The following POLN variants were observed in gnomAD, a reference collection of about 807,000 sequenced individuals.
The protein encoded by POLN is DNA polymerase nu.
POLN carries 108 observed loss-of-function variants against 113.5 expected under a neutral mutation model. The ratio of observed to expected loss-of-function variants is 0.95; its 90% CI spans 0.81 to 1.12. POLN has a LOEUF of 1.12. Ranked by LOEUF, POLN falls within the 50% of genes most tolerant of loss-of-function variation. The pLI is 0.00. For missense variants in POLN, 1,097 were observed against 1,077.1 expected, an observed-to-expected ratio of 1.02 and a Z score of -0.26; for synonymous variants, 386 against 391.5, an observed-to-expected ratio of 0.99 and a Z score of 0.17.
intron 20 of POLN, among the ~76,000 whole-genome samples, chr4:2,094,365 A>AAAAAAAAAAAAAC (rs1311045483): frequency 6.7e-6 from 1 of 148,560 alleles, no homozygotes; most frequent in African/African-American, 2.5e-5. Context: ...TCTGTCTCCA[A>AAAAAAAAAAAAAC]AAAAAAAAAA....
intron 6 of POLN, 31 bp downstream of exon 6, chr4:2,198,493 G>A (rs751463314): frequency 3.2e-6 from 5 of 1,553,782 alleles, no homozygotes; most frequent in Non-Finnish European, 4.4e-6. Context: ...CATGTAAGTA[G>A]GGTGTGAGCC....
intron 7 of POLN, among the ~76,000 whole-genome samples, chr4:2,188,206 G>T (rs7664080): frequency 6.6e-6 from 1 of 152,038 alleles, no homozygotes; most frequent in African/African-American, 2.4e-5. Flanking sequence ...TCCTTCACAC[G>T]TGAAAAAGAG....
At chr4:2,115,208 CTA>C (rs67359279) in intron 19 of POLN, among the ~76,000 whole-genome samples, 10 of 119,264 alleles carry the variant, frequency 8.4e-5, no homozygotes, top group African/African-American at 1.5e-4. Context: ...ACCACCACAG[CTA>C]TATATATATA....
intron 16 of POLN, among the ~76,000 whole-genome samples, chr4:2,152,037 C>CTT (rs201892064): frequency 3.2e-4 from 45 of 142,326 alleles, no homozygotes; most frequent in African/African-American, 8.3e-4. Flanking sequence ...TTTCTTTCTT[C>CTT]TTTTTTTTTT....
rs35195981 is a variant in POLN, at chr4:2,128,626, G to C, written c.1868-399C>G. 1.9e-3 allele frequency among the ~76,000 whole-genome samples: 285 copies of C among 152,126 alleles called. 2 individuals are homozygous for C. The highest frequency in any genetic ancestry group is 6.8e-3 in the Middle Eastern group (2 of 294). ...TGGAGCTGACTCTTAGCTGGGAGGA[G>C]TAGGGTCCGGCAAGGCCGCAGCGAG... On this transcript the variant is annotated intron_variant, in intron 18 of 25. Transcript: ENST00000511885.
intron 7 of POLN, among the ~76,000 whole-genome samples, chr4:2,186,753 T>C (rs7689910): frequency 0.25 from 37,519 of 152,020 alleles, 7,148 homozygotes; most frequent in African/African-American, 0.52. Flanking sequence ...ACCATGACAT[T>C]CTCAAACCAG....
At chr4:2,239,025 A>T in intron 2 of POLN, 2 of 1,532,904 alleles carry the variant, frequency 1.3e-6, no homozygotes, top group Non-Finnish European at 1.7e-6. Flanking sequence ...TTAGCATCCA[A>T]ATTTTCTTTG....
intron 19 of POLN, among the ~76,000 whole-genome samples, chr4:2,124,304 T>C (rs1265591981): frequency 6.6e-6 from 1 of 152,156 alleles, no homozygotes; most frequent in East Asian, 1.9e-4. Flanking sequence ...GACAGGTTCT[T>C]GCTCTGTCGA....
intron 16 of POLN, among the ~76,000 whole-genome samples, chr4:2,134,716 T>G (rs947847965): frequency 1.3e-5 from 2 of 152,064 alleles, no homozygotes; most frequent in African/African-American, 2.4e-5. Flanking sequence ...AGGCTGGGGG[T>G]CTGTCACAAT....
At chr4:2,212,133 T>G (rs983403925) in intron 4 of POLN, among the ~76,000 whole-genome samples, 6 of 152,276 alleles carry the variant, frequency 3.9e-5, no homozygotes, top group South Asian at 2.1e-4. Context: ...TGAACACAGG[T>G]AGTTTACTCC....
chr4:2,103,343 T>C (rs1730972761), intron 19 of POLN, among the ~76,000 whole-genome samples: 1 of 151,862 alleles, frequency 6.6e-6, no homozygotes, highest in Non-Finnish European at 1.5e-5. Flanking sequence ...AACAACAGAC[T>C]GGGCCAAGCA....
At chr4:2,134,989 C>A (rs1280093662) in intron 16 of POLN, among the ~76,000 whole-genome samples, 2 of 152,232 alleles carry the variant, frequency 1.3e-5, no homozygotes, top group Admixed American at 6.5e-5. Flanking sequence ...CCCCCCAATA[C>A]TGATGATGTT....
chr4:2,109,995 T>C (rs1731153341), intron 19 of POLN, among the ~76,000 whole-genome samples: 1 of 152,040 alleles, frequency 6.6e-6, no homozygotes, highest in Non-Finnish European at 1.5e-5. Flanking sequence ...ATATGCATCT[T>C]ACTCCTCAGC....
intron 16 of POLN, among the ~76,000 whole-genome samples, chr4:2,146,071 G>A (rs1732131098): frequency 6.6e-6 from 1 of 151,316 alleles, no homozygotes; most frequent in Non-Finnish European, 1.5e-5. Context: ...TATCATTTAA[G>A]GAAATATATA....
At chr4:2,109,430 T>C (rs1425227278) in intron 19 of POLN, among the ~76,000 whole-genome samples, 1 of 152,194 alleles carries the variant, frequency 6.6e-6, no homozygotes, top group African/African-American at 2.4e-5. Flanking sequence ...TTATTAAACT[T>C]TATTTAAATA....
At chr4:2,210,979 G>T (rs147022685) in intron 4 of POLN, among the ~76,000 whole-genome samples, 1 of 149,934 alleles carries the variant, frequency 6.7e-6, no homozygotes, top group African/African-American at 2.4e-5. Flanking sequence ...GTCCAGGCAC[G>T]GTGGCTCATG....
chr4:2,084,337 G>T (rs147825418), intron 21 of POLN, among the ~76,000 whole-genome samples: 1 of 152,058 alleles, frequency 6.6e-6, no homozygotes. Context: ...CTGTCTCTGC[G>T]CAGGTCGCCA....
intron 20 of POLN, chr4:2,088,983 T>C (rs1730608904): frequency 3.4e-6 from 3 of 871,580 alleles, no homozygotes; most frequent in African/African-American, 1.7e-5. Context: ...GGTTTCCTAG[T>C]CAGACAGCCT....
At chr4:2,157,785 A>T in intron 15 of POLN, 73 bp downstream of exon 15, 1 of 799,944 alleles carries the variant, frequency 1.3e-6, no homozygotes, top group African/African-American at 1.8e-5. Context: ...AAAATTACAA[A>T]GGTTCTATAT....
Sources: allele counts gnomAD v4.1 joint callset (sites outside exome capture counted in the v4.1 genomes callset), GRCh38; gene constraint gnomAD v4.1.1; transcripts MANE v1.5; gene names NCBI Gene and HGNC (gene_info 2026-07-23, HGNC 2026-07-21).